The following SDK1 variants were observed in gnomAD, a reference collection of about 807,000 sequenced individuals.
SDK1 encodes the protein sidekick cell adhesion molecule 1.
Under a neutral mutation model 245.5 loss-of-function variants are expected in SDK1, and 157 were observed. The observed-to-expected ratio is 0.64, with a 90% confidence interval of 0.56 to 0.73. The LOEUF (loss-of-function observed/expected upper bound fraction) is 0.73, where lower values mean the gene tolerates loss of function less well. SDK1 is among the 30% of genes least tolerant of loss of function. The pLI, the probability that SDK1 is intolerant of heterozygous loss-of-function variation, is 0.00. For missense variants in SDK1, 3,583 were observed against 3,002.3 expected, an observed-to-expected ratio of 1.19 and a Z score of -4.52; for synonymous variants, 1,647 against 1,278.5, an observed-to-expected ratio of 1.29 and a Z score of -6.15.
intron 1 of SDK1, among the ~76,000 whole-genome samples, chr7:3,400,415 G>T (rs1778857465): frequency 6.6e-6 from 1 of 152,090 alleles, no homozygotes; most frequent in South Asian, 2.1e-4. Flanking sequence ...TTCTGAGAGT[G>T]CCCCCAACTT....
At chr7:3,522,319 G>C (rs926613010) in intron 1 of SDK1, among the ~76,000 whole-genome samples, 12 of 152,218 alleles carry the variant, frequency 7.9e-5, no homozygotes, top group African/African-American at 2.6e-4. Context: ...TCAGAAATTT[G>C]AAGTGATTAT....
intron 20 of SDK1, among the ~76,000 whole-genome samples, 164 bp downstream of exon 20, chr7:4,068,100 G>C (rs1430012544): frequency 6.6e-6 from 1 of 152,168 alleles, no homozygotes; most frequent in Non-Finnish European, 1.5e-5. Flanking sequence ...CCCAGCACTG[G>C]GACTGCCCCA....
intron 17 of SDK1, 82 bp from the exon 18 acceptor site, chr7:4,049,266 C>T (rs1232922922): frequency 4.0e-6 from 4 of 1,011,296 alleles, no homozygotes; most frequent in Non-Finnish European, 6.1e-6. Context: ...ATGATGGCAG[C>T]TAAGGGTTTC....
intron 25 of SDK1, among the ~76,000 whole-genome samples, chr7:4,115,090 C>G (rs537214249): frequency 6.6e-6 from 1 of 152,278 alleles, no homozygotes; most frequent in East Asian, 1.9e-4. Flanking sequence ...TTTCTTGCCC[C>G]CCTCCTTAAA....
At chr7:3,384,139 C>G (rs989177648) in intron 1 of SDK1, among the ~76,000 whole-genome samples, 1 of 152,040 alleles carries the variant, frequency 6.6e-6, no homozygotes, top group African/African-American at 2.4e-5. Flanking sequence ...TCTTTTACAG[C>G]TATTCATGGA....
intron 1 of SDK1, among the ~76,000 whole-genome samples, chr7:3,401,580 C>T (rs556495556): frequency 6.6e-5 from 10 of 152,260 alleles, no homozygotes; most frequent in Non-Finnish European, 2.9e-5. Context: ...AGGCTGTGGC[C>T]ACAATATACT....
intron 1 of SDK1, among the ~76,000 whole-genome samples, chr7:3,613,233 A>C (rs1461669605): frequency 6.6e-6 from 1 of 152,156 alleles, no homozygotes; most frequent in African/African-American, 2.4e-5. Flanking sequence ...ACGCAGGATG[A>C]GGTAGTAGGC....
chr7:3,371,992 T>C (rs1781239779), intron 1 of SDK1, among the ~76,000 whole-genome samples: 1 of 152,234 alleles, frequency 6.6e-6, no homozygotes, highest in Admixed American at 6.5e-5. Context: ...ATCTTGTCTA[T>C]TAAATGCTAG....
intron 5 of SDK1, among the ~76,000 whole-genome samples, chr7:3,888,556 C>G (rs569605843): frequency 6.6e-6 from 1 of 152,150 alleles, no homozygotes; most frequent in Admixed American, 6.5e-5. Flanking sequence ...GAATGTAATT[C>G]CTTGATAATG....
rs570970168 is a variant in SDK1, at chr7:3,830,125, C to T, written c.847+8542C>T. On this transcript the variant is annotated intron_variant, in intron 5 of 44. Transcript: ENST00000404826. ...CTCCCTAATTCCCAGATATTGACAT[C>T]GAACTGTTGTGGCAGATTTTGCACA... 2.9e-4 allele frequency among the ~76,000 whole-genome samples: 44 copies of T among 152,252 alleles called. 1 individual carries two copies. In the South Asian group the frequency reaches 7.1e-3, roughly 24 times the overall value.
At chr7:3,760,845 A>G (rs952944489) in intron 4 of SDK1, among the ~76,000 whole-genome samples, 5 of 152,186 alleles carry the variant, frequency 3.3e-5, no homozygotes, top group African/African-American at 1.2e-4. Flanking sequence ...AGCATTTAAG[A>G]TCTATTTATG....
chr7:4,243,395 C>A (rs780190010), intron 43 of SDK1, among the ~76,000 whole-genome samples: 8 of 152,158 alleles, frequency 5.3e-5, no homozygotes, highest in Non-Finnish European at 1.2e-4. Context: ...CCTTTTCAGT[C>A]CTAGCAATAG....
chr7:3,966,026 C>T (rs187307923), intron 9 of SDK1, among the ~76,000 whole-genome samples: 23 of 151,822 alleles, frequency 1.5e-4, no homozygotes, highest in African/African-American at 5.3e-4. Flanking sequence ...GGAGGAGCCT[C>T]GGGAGCTGCG....
At chr7:4,141,780 A>G (rs1562875767) in intron 28 of SDK1, among the ~76,000 whole-genome samples, 2 of 152,184 alleles carry the variant, frequency 1.3e-5, no homozygotes, top group South Asian at 4.1e-4. Flanking sequence ...TTTTTGAGAC[A>G]GAGTCTCGCT....
At chr7:3,505,266 A>G (rs1398746977) in intron 1 of SDK1, among the ~76,000 whole-genome samples, 1 of 152,120 alleles carries the variant, frequency 6.6e-6, no homozygotes, top group African/African-American at 2.4e-5. Flanking sequence ...CAACTGACTG[A>G]GACTGGGTTT....
intron 1 of SDK1, among the ~76,000 whole-genome samples, chr7:3,530,654 T>C (rs925904523): frequency 8.5e-5 from 13 of 152,132 alleles, no homozygotes; most frequent in African/African-American, 2.7e-4. Context: ...ATGTGAAATA[T>C]ATTATGTATT....
intron 8 of SDK1, among the ~76,000 whole-genome samples, 187 bp from the exon 9 acceptor site, chr7:3,962,470 A>G (rs1048767980): frequency 2.0e-5 from 3 of 152,186 alleles, no homozygotes; most frequent in Non-Finnish European, 4.4e-5. Context: ...TGTTCCTCTC[A>G]ACACCCCTCC....
chr7:3,637,895 G>T (rs1163533712), intron 2 of SDK1, among the ~76,000 whole-genome samples: 1 of 152,234 alleles, frequency 6.6e-6, no homozygotes, highest in African/African-American at 2.4e-5. Flanking sequence ...TGCTTTCTCT[G>T]CCTTGACGAG....
intron 25 of SDK1, among the ~76,000 whole-genome samples, chr7:4,116,335 A>G (rs1012141709): frequency 1.3e-5 from 2 of 152,166 alleles, no homozygotes; most frequent in Non-Finnish European, 2.9e-5. Flanking sequence ...CGAGACAGCC[A>G]GGCCGGGGTG....
Sources: gnomAD v4.1 joint callset for allele counts (sites outside exome capture counted in the v4.1 genomes callset) on GRCh38, gnomAD v4.1.1 for gene constraint, MANE v1.5 for transcripts, NCBI Gene and HGNC (gene_info 2026-07-23, HGNC 2026-07-21) for gene names.